TSHZ2: variants seen among roughly 807,000 people sequenced by gnomAD.
TSHZ2 encodes teashirt zinc finger homeobox 2.
In TSHZ2, 21 loss-of-function variants were observed where a neutral mutation model predicts 74.4. The ratio of observed to expected loss-of-function variants is 0.28; its 90% CI spans 0.20 to 0.41. The LOEUF (loss-of-function observed/expected upper bound fraction) is 0.41, where lower values mean the gene tolerates loss of function less well. Ranked by LOEUF, TSHZ2 falls within the 10% of genes least tolerant of loss-of-function variation. TSHZ2 has a pLI of 1.00. For missense variants in TSHZ2, 1,244 were observed against 1,293.5 expected (o/e 0.96, Z 0.59); for synonymous variants, 540 against 515.3 (o/e 1.05, Z -0.65).
At chr20:53,325,604 C>G (rs575607586) in intron 2 of TSHZ2, among the ~76,000 whole-genome samples, 5 of 152,218 alleles carry the variant, frequency 3.3e-5, no homozygotes, top group African/African-American at 1.2e-4. Flanking sequence ...TCTAGAAGCT[C>G]TCCTTAAGGT....
intron 1 of TSHZ2, among the ~76,000 whole-genome samples, chr20:53,086,678 C>T (rs1007520259): frequency 1.7e-4 from 26 of 152,090 alleles, no homozygotes; most frequent in Non-Finnish European, 3.7e-4. Flanking sequence ...TATAGGCCAC[C>T]TCAATTTGCC....
At chr20:53,241,531 T>G (rs1328014572) in intron 1 of TSHZ2, among the ~76,000 whole-genome samples, 1 of 152,200 alleles carries the variant, frequency 6.6e-6, no homozygotes, top group Non-Finnish European at 1.5e-5. Context: ...AATGAATTGA[T>G]TGAGAATAAT....
intron 1 of TSHZ2, among the ~76,000 whole-genome samples, chr20:53,117,608 A>G (rs1986705201): frequency 1.3e-5 from 2 of 152,232 alleles, no homozygotes; most frequent in South Asian, 4.1e-4. Flanking sequence ...GAACCAGGTG[A>G]AAAATAGGAG....
Position 53,130,077 on chromosome 20 carries a change from TGTTA to T in TSHZ2, c.41-123417_41-123414del, listed in dbSNP as rs1159579659. 1.2e-4 allele frequency among the ~76,000 whole-genome samples: 18 copies of T among 150,992 alleles called. No homozygotes were observed. The South Asian group carries it at 3.4e-3, about 28-fold the overall frequency. On this transcript the variant is annotated intron_variant, in intron 1 of 2. Transcript: ENST00000371497. ...GAAGAAAAAAAGTAGGAAAAGAAAA[TGTTA>T]GTTATGTGTGGTTGATAGTGGCTCA...
rs117564186 is a variant in TSHZ2, at chr20:53,271,424, A to G, written c.*8+14853A>G. 9.2e-5 allele frequency among the ~76,000 whole-genome samples: 14 copies of G among 152,392 alleles called. No individual in the cohort carries two copies. In the East Asian group the frequency reaches 2.7e-3, roughly 29 times the overall value. ...TGTATCAGGCATGTAGAAGTCCTCA[A>G]TTAACAAGAGCTACTCTCATAATAA... is the stretch of plus-strand genomic sequence containing the variant. On this transcript the variant is annotated intron_variant, in intron 2 of 2. Coordinates refer to ENST00000371497, the MANE Select transcript of TSHZ2 (RefSeq NM_173485.6).
At chr20:53,170,104 G>T (rs996809537) in intron 1 of TSHZ2, among the ~76,000 whole-genome samples, 1 of 152,160 alleles carries the variant, frequency 6.6e-6, no homozygotes, top group African/African-American at 2.4e-5. Flanking sequence ...AACTCTAGCA[G>T]AGCCACATAG....
chr20:53,060,324 A>C lies in TSHZ2; in HGVS notation c.40+86991A>C, dbSNP rs1176074302. ...CAACAAATGGCAAAGGTCTATGGCAAATAACTCTGATTTCTCAGGAGCTGT... is the reference window on the plus strand; with the variant it reads ...CAACAAATGGCAAAGGTCTATGGCACATAACTCTGATTTCTCAGGAGCTGT... On this transcript the variant is annotated intron_variant, in intron 1 of 2. Transcript: ENST00000371497. Among the ~76,000 whole-genome samples the C allele has an allele frequency of 3.0e-4, 46 of 152,216 alleles. 2 individuals are homozygous for C. The highest frequency in any genetic ancestry group is 2.9e-3 in the Admixed American group (45 of 15,280).
chr20:53,004,970 G>A (rs1432991434), intron 1 of TSHZ2, among the ~76,000 whole-genome samples: 1 of 152,060 alleles, frequency 6.6e-6, no homozygotes, highest in African/African-American at 2.4e-5. Flanking sequence ...AGAATCGTGG[G>A]AGTCATCCTG....
intron 1 of TSHZ2, among the ~76,000 whole-genome samples, chr20:53,130,171 G>C (rs1011032840): frequency 6.6e-6 from 1 of 151,646 alleles, no homozygotes; most frequent in African/African-American, 2.4e-5. Context: ...CTAAATCTAT[G>C]TAAGACTCAA....
At chr20:52,989,210 G>GT (rs35834574) in intron 1 of TSHZ2, among the ~76,000 whole-genome samples, 12,255 of 143,132 alleles carry the variant, frequency 0.086, 813 homozygotes, top group South Asian at 0.34. Context: ...TATTGGTGAT[G>GT]TTTTTTTTTA....
chr20:53,264,289 A>G (rs1267547386), intron 2 of TSHZ2, among the ~76,000 whole-genome samples: 3 of 152,212 alleles, frequency 2.0e-5, no homozygotes, highest in Non-Finnish European at 4.4e-5. Flanking sequence ...AGGTGCAGGT[A>G]GCAGGTAGCA....
At chr20:53,387,563 C>T (rs2145651500) in intron 2 of TSHZ2, among the ~76,000 whole-genome samples, 1 of 152,262 alleles carries the variant, frequency 6.6e-6, no homozygotes, top group East Asian at 1.9e-4. Flanking sequence ...CTGGGGAGCA[C>T]CTGGACCTCT....
chr20:53,275,144 G>A (rs1373597940), intron 2 of TSHZ2, among the ~76,000 whole-genome samples: 2 of 152,130 alleles, frequency 1.3e-5, no homozygotes, highest in African/African-American at 2.4e-5. Context: ...ACTTTGACAA[G>A]TGCAAATGAA....
rs547279329 is a variant in TSHZ2 at position 53,471,608 on chromosome 20, G to A, written c.*9-15536G>A. Among the ~76,000 whole-genome samples the A allele has an allele frequency of 2.4e-4, 37 of 152,198 alleles. No homozygotes were observed. The South Asian group carries it at 5.0e-3, about 21-fold the overall frequency. The stretch of plus-strand genomic sequence containing the variant: ...GAGACTTCAAGGATGAAAAGGTGCT[G>A]GCCAAACAAAGAGTGGGAAGAAGAG... On this transcript the variant is annotated intron_variant, in intron 2 of 2. Transcript: ENST00000371497.
chr20:53,008,474 T>A (rs1280415194), intron 1 of TSHZ2, among the ~76,000 whole-genome samples: 2 of 152,158 alleles, frequency 1.3e-5, no homozygotes, highest in African/African-American at 4.8e-5. Flanking sequence ...GTTAGGGTTC[T>A]TCCCCTGACA....
chr20:53,204,962 G>A (rs1051128780), intron 1 of TSHZ2, among the ~76,000 whole-genome samples: 1 of 151,720 alleles, frequency 6.6e-6, no homozygotes, highest in African/African-American at 2.4e-5. Flanking sequence ...CGCCATGTGT[G>A]CACCTGTAGT....
intron 2 of TSHZ2, among the ~76,000 whole-genome samples, chr20:53,425,969 C>A (rs1983641465): frequency 6.6e-6 from 1 of 152,074 alleles, no homozygotes; most frequent in East Asian, 1.9e-4. Flanking sequence ...ACTTTTCTAT[C>A]CTTAAGATGA....
chr20:53,394,661 C>T (rs1279123247), intron 2 of TSHZ2, among the ~76,000 whole-genome samples: 1 of 151,436 alleles, frequency 6.6e-6, no homozygotes, highest in Admixed American at 6.6e-5. Flanking sequence ...GCCTTAATCT[C>T]CTTTTCCTGG....
In TSHZ2 at chr20:53,495,201, A is replaced by T. The variant is rs1003691581; in HGVS notation, c.*8066A>T. 1 of 152,236 alleles carries T rather than the reference A, an allele frequency of 6.6e-6. No individual in the cohort carries two copies. Among genetic ancestry groups the T allele is most frequent in the South Asian group, 2.1e-4 (1 of 4,836 alleles). The allele number at this position is 152,236 out of a possible 1,614,324, so 9.4% of individuals were successfully genotyped here. A position where few individuals can be genotyped will look rare whatever the true frequency, so the allele number is the denominator to read the frequency against. On this transcript the variant is annotated 3_prime_UTR_variant, in exon 3 of 3. Coordinates refer to ENST00000371497, the MANE Select transcript of TSHZ2 (RefSeq NM_173485.6). ...ACATGAAAAGAATTATTTATATGAT[A>T]AAAATATATTTAGCTTTTCAAAGCA...
Sources: allele counts gnomAD v4.1 joint callset (sites outside exome capture counted in the v4.1 genomes callset), GRCh38; gene constraint gnomAD v4.1.1; transcripts MANE v1.5; gene names NCBI Gene and HGNC (gene_info 2026-07-23, HGNC 2026-07-21).